The following LGR6 variants were observed in gnomAD, a reference collection of about 807,000 sequenced individuals.
LGR6 encodes the protein leucine rich repeat containing G protein-coupled receptor 6.
In LGR6, 45 loss-of-function variants were observed where a neutral mutation model predicts 69.4. The ratio of observed to expected loss-of-function variants is 0.65; its 90% CI spans 0.51 to 0.83. The LOEUF (loss-of-function observed/expected upper bound fraction) is 0.83, where lower values mean the gene tolerates loss of function less well. Among genes scored for constraint, LGR6 ranks in the 40% least tolerant of loss-of-function variants. The pLI is 0.00. For missense variants in LGR6, 1,108 were observed against 1,246.7 expected, an observed-to-expected ratio of 0.89 and a Z score of 1.68; for synonymous variants, 538 against 555.0, an observed-to-expected ratio of 0.97 and a Z score of 0.43.
intron 4 of LGR6, among the ~76,000 whole-genome samples, chr1:202,238,975 T>TAAAATGGCGTCAGCCCCC (rs528996800): frequency 5.9e-5 from 9 of 152,052 alleles, no homozygotes; most frequent in East Asian, 1.9e-4. Context: ...GGCTGAGGCG[T>TAAAATGGCGTCAGCCCCC]AAAATGGCGT....
At chr1:202,295,869 TAGTGTG>T (rs1164497178) in intron 6 of LGR6, among the ~76,000 whole-genome samples, 2 of 116,496 alleles carry the variant, frequency 1.7e-5, no homozygotes, top group African/African-American at 6.8e-5. Context: ...ATTGGGTAAT[TAGTGTG>T]TGTGTGTGTG....
chr1:202,250,742 A>G (rs749905728), intron 4 of LGR6, among the ~76,000 whole-genome samples: 8 of 152,200 alleles, frequency 5.3e-5, no homozygotes, highest in Non-Finnish European at 1.2e-4. Context: ...CCCCATTGCT[A>G]GTACAATATG....
intron 16 of LGR6, among the ~76,000 whole-genome samples, chr1:202,314,069 A>T (rs1183967342): frequency 6.6e-6 from 1 of 152,180 alleles, no homozygotes; most frequent in Non-Finnish European, 1.5e-5. Flanking sequence ...CCTTTGCTGG[A>T]CAGCTCTAAT....
intron 4 of LGR6, among the ~76,000 whole-genome samples, chr1:202,249,378 C>G (rs765184425): frequency 1.3e-5 from 2 of 152,194 alleles, no homozygotes; most frequent in Non-Finnish European, 2.9e-5. Context: ...CCCTGCCCAT[C>G]CTATAAATGG....
intron 12 of LGR6, 91 bp from the exon 13 acceptor site, chr1:202,306,777 G>C (rs1022369957): frequency 1.7e-6 from 2 of 1,146,980 alleles, no homozygotes; most frequent in African/African-American, 3.1e-5. Context: ...GAAGTGGGGG[G>C]CTCTACTTTC....
chr1:202,218,886 G>A (rs183336027), intron 1 of LGR6, among the ~76,000 whole-genome samples: 204 of 152,254 alleles, frequency 1.3e-3, no homozygotes, highest in Non-Finnish European at 2.3e-3. Flanking sequence ...GAGGTTTGCC[G>A]TCCCTTTGTG....
At chr1:202,220,328 C>T (rs1660064411) in intron 1 of LGR6, among the ~76,000 whole-genome samples, 1 of 152,062 alleles carries the variant, frequency 6.6e-6, no homozygotes, top group Non-Finnish European at 1.5e-5. Context: ...AGTGATTCTC[C>T]CTGCCTCAGC....
chr1:202,282,273 A>T (rs927035165), intron 6 of LGR6, among the ~76,000 whole-genome samples: 1 of 152,160 alleles, frequency 6.6e-6, no homozygotes, highest in Non-Finnish European at 1.5e-5. Context: ...AGTCTAGCCC[A>T]CTCAATCAAC....
At chr1:202,231,269 C>T (rs548347547) in intron 3 of LGR6, among the ~76,000 whole-genome samples, 7 of 152,350 alleles carry the variant, frequency 4.6e-5, no homozygotes, top group African/African-American at 1.4e-4. Context: ...AGTGACCATG[C>T]CTGGCTGAGC....
chr1:202,257,623 G>C (rs1177220594), intron 4 of LGR6, among the ~76,000 whole-genome samples: 1 of 152,012 alleles, frequency 6.6e-6, no homozygotes, highest in African/African-American at 2.4e-5. Context: ...ATCATCAATT[G>C]CCCATAAATG....
At chr1:202,297,750 G>C (rs1393405396) in intron 7 of LGR6, among the ~76,000 whole-genome samples, 174 bp downstream of exon 7, 2 of 131,236 alleles carry the variant, frequency 1.5e-5, no homozygotes, top group African/African-American at 5.7e-5. Context: ...GCTCTAAGTA[G>C]TCCCAGGCCT....
At chr1:202,194,981 A>G (rs527607127) in intron 1 of LGR6, among the ~76,000 whole-genome samples, 2 of 152,100 alleles carry the variant, frequency 1.3e-5, no homozygotes, top group Non-Finnish European at 2.9e-5. Flanking sequence ...TGTCTGGCTC[A>G]TGGGAGCTTC....
At chr1:202,239,998 A>G (rs1435870313) in intron 4 of LGR6, among the ~76,000 whole-genome samples, 3 of 152,056 alleles carry the variant, frequency 2.0e-5, no homozygotes, top group Non-Finnish European at 4.4e-5. Context: ...GGGAGAGGAG[A>G]AGTTGAGCTG....
At chr1:202,301,975 C>A (rs1283487685) in intron 9 of LGR6, among the ~76,000 whole-genome samples, 4 of 151,974 alleles carry the variant, frequency 2.6e-5, no homozygotes, top group African/African-American at 7.3e-5. Flanking sequence ...GCCGAGATCG[C>A]GCCATTGCAC....
At chr1:202,276,250 A>G in intron 4 of LGR6, 56 bp from the exon 5 acceptor site, 2 of 1,480,002 alleles carry the variant, frequency 1.4e-6, no homozygotes, top group South Asian at 1.2e-5. Context: ...TCTAGCCCCA[A>G]AGCTTGGTCT....
At chr1:202,267,028 G>C (rs1664726474) in intron 4 of LGR6, among the ~76,000 whole-genome samples, 1 of 152,138 alleles carries the variant, frequency 6.6e-6, no homozygotes, top group Non-Finnish European at 1.5e-5. Flanking sequence ...TGGAACGCCT[G>C]GCTAATTTCT....
At chr1:202,278,475 C>T (rs1305680009) in intron 5 of LGR6, among the ~76,000 whole-genome samples, 1 of 152,106 alleles carries the variant, frequency 6.6e-6, no homozygotes, top group African/African-American at 2.4e-5. Flanking sequence ...GAAAGAAAAC[C>T]TACTGGTGCG....
chr1:202,252,817 C>G (rs1338640359), intron 4 of LGR6, among the ~76,000 whole-genome samples: 1 of 152,228 alleles, frequency 6.6e-6, no homozygotes, highest in African/African-American at 2.4e-5. Context: ...TGACAAGAGT[C>G]CTGAATCTGA....
At chr1:202,295,335 A>G (rs1488986667) in intron 6 of LGR6, among the ~76,000 whole-genome samples, 1 of 151,856 alleles carries the variant, frequency 6.6e-6, no homozygotes, top group Non-Finnish European at 1.5e-5. Context: ...CTCAAAAAAA[A>G]AAAAAAAAAA....
Sources: allele counts gnomAD v4.1 joint callset (sites outside exome capture counted in the v4.1 genomes callset), GRCh38; gene constraint gnomAD v4.1.1; transcripts MANE v1.5; gene names NCBI Gene and HGNC (gene_info 2026-07-23, HGNC 2026-07-21).